Variants in KIF21A observed in about 807,000 individuals in gnomAD.
The protein encoded by KIF21A is kinesin family member 21A.
KIF21A carries 114 observed loss-of-function variants against 202.9 expected under a neutral mutation model. The ratio of observed to expected loss-of-function variants is 0.56; its 90% CI spans 0.48 to 0.66. KIF21A has a LOEUF of 0.66. KIF21A is among the 30% of genes least tolerant of loss of function. The pLI is 0.00. For missense variants in KIF21A, 1,677 were observed against 1,994.9 expected, an observed-to-expected ratio of 0.84 and a Z score of 3.04; for synonymous variants, 667 against 670.8, an observed-to-expected ratio of 0.99 and a Z score of 0.09.
At chr12:39,409,678 A>T (rs1952921849) in intron 1 of KIF21A, among the ~76,000 whole-genome samples, 1 of 152,154 alleles carries the variant, frequency 6.6e-6, no homozygotes, top group Non-Finnish European at 1.5e-5. Context: ...ATGTTAATTT[A>T]TATGACAAAG....
intron 16 of KIF21A, among the ~76,000 whole-genome samples, chr12:39,339,516 G>GA (rs1206222535): frequency 6.6e-6 from 1 of 152,068 alleles, no homozygotes; most frequent in Non-Finnish European, 1.5e-5. Flanking sequence ...GCATTTCTCA[G>GA]AATGTACCAT....
chr12:39,338,182 C>T (rs1007315589), intron 16 of KIF21A, among the ~76,000 whole-genome samples: 4 of 152,090 alleles, frequency 2.6e-5, no homozygotes, highest in African/African-American at 7.2e-5. Context: ...ATTGATGATC[C>T]TCACTCTGCA....
At chr12:39,317,931 G>T (rs1944747354) in intron 29 of KIF21A, 142 bp downstream of exon 29, 1 of 826,834 alleles carries the variant, frequency 1.2e-6, no homozygotes, top group Non-Finnish European at 2.0e-6. Context: ...CTTTCCCATT[G>T]GAAAGATGCA....
intron 16 of KIF21A, among the ~76,000 whole-genome samples, chr12:39,338,469 GC>G (rs1205057688): frequency 5.3e-5 from 8 of 152,114 alleles, no homozygotes; most frequent in African/African-American, 1.9e-4. Flanking sequence ...ATTTAGTGTA[GC>G]TTAAGTGTGT....
chr12:39,341,954 A>G, intron 13 of KIF21A, 80 bp downstream of exon 13: 4 of 934,224 alleles, frequency 4.3e-6, no homozygotes, highest in African/African-American at 1.6e-5. Context: ...CTTTTCTACA[A>G]GTAAGTTAGT....
At chr12:39,394,556 A>G (rs1951595515) in intron 1 of KIF21A, among the ~76,000 whole-genome samples, 1 of 152,204 alleles carries the variant, frequency 6.6e-6, no homozygotes, top group African/African-American at 2.4e-5. Flanking sequence ...TTACAATCTC[A>G]AGACTTGAAA....
intron 1 of KIF21A, among the ~76,000 whole-genome samples, chr12:39,435,148 A>G (rs907464266): frequency 6.6e-6 from 1 of 152,140 alleles, no homozygotes; most frequent in Non-Finnish European, 1.5e-5. Flanking sequence ...ACTAAGTTTG[A>G]ACATTTTTCT....
chr12:39,351,065 GTGTAAACA>G (rs1031614733), intron 11 of KIF21A, among the ~76,000 whole-genome samples: 1 of 152,010 alleles, frequency 6.6e-6, no homozygotes, highest in Non-Finnish European at 1.5e-5. Context: ...TAGAATCAGT[GTGTAAACA>G]TGTAAAGAAT....
chr12:39,424,851 T>C (rs1566321821), intron 1 of KIF21A, among the ~76,000 whole-genome samples: 1 of 152,172 alleles, frequency 6.6e-6, no homozygotes, highest in Non-Finnish European at 1.5e-5. Flanking sequence ...GTTATCTTTC[T>C]GAAATGCATA....
At chr12:39,360,207 G>T (rs1158100642) in intron 7 of KIF21A, among the ~76,000 whole-genome samples, 3 of 151,278 alleles carry the variant, frequency 2.0e-5, no homozygotes, top group Non-Finnish European at 4.4e-5. Context: ...ATAAAATAAA[G>T]CTAAAAAAAA....
At chr12:39,393,838 C>T (rs548403549) in intron 1 of KIF21A, among the ~76,000 whole-genome samples, 26 of 152,318 alleles carry the variant, frequency 1.7e-4, no homozygotes, top group African/African-American at 6.3e-4. Flanking sequence ...AAAATCACAA[C>T]TGGGTTTTCA....
chr12:39,423,686 T>C (rs1954500888), intron 1 of KIF21A, among the ~76,000 whole-genome samples: 1 of 151,806 alleles, frequency 6.6e-6, no homozygotes, highest in Non-Finnish European at 1.5e-5. Context: ...CCGTCTCTAC[T>C]AAAAATACAA....
chr12:39,408,238 C>T (rs1448888925), intron 1 of KIF21A, among the ~76,000 whole-genome samples: 2 of 152,050 alleles, frequency 1.3e-5, no homozygotes, highest in Admixed American at 6.6e-5. Flanking sequence ...ACTGTTCCAC[C>T]TCAGATCGTC....
chr12:39,414,831 A>G (rs1006208263), intron 1 of KIF21A, among the ~76,000 whole-genome samples: 4 of 152,196 alleles, frequency 2.6e-5, no homozygotes, highest in Non-Finnish European at 1.5e-5. Flanking sequence ...TGTTCTGAAT[A>G]CTGGGGATCT....
chr12:39,367,337 A>C (rs1773040241), intron 4 of KIF21A, 173 bp from the exon 5 acceptor site: 1 of 657,480 alleles, frequency 1.5e-6, no homozygotes. Context: ...TCAGTATAAT[A>C]GTGTATTATT....
rs1283649264 is a variant in KIF21A, at chr12:39,293,768, G to T, written c.*656C>A. 2.0e-5 allele frequency: 3 copies of T among 151,500 alleles called. No homozygotes were observed. Among genetic ancestry groups the T allele is most frequent in the Non-Finnish European group, 2.9e-5 (2 of 67,910 alleles). 9.4% of individuals were successfully genotyped at this position (151,500 alleles called of 1,614,324 possible). On this transcript the variant is annotated 3_prime_UTR_variant, in exon 38 of 38. Coordinates refer to ENST00000361418, the MANE Select transcript of KIF21A (RefSeq NM_001173464.2). ...AAAAAATTAACAGCATTTTAGTCCT[G>T]AGCACAGAATATAGTAGAGCTGCAA... is the stretch of plus-strand genomic sequence containing the variant.
chr12:39,388,156 C>T (rs1951081854), intron 1 of KIF21A, among the ~76,000 whole-genome samples: 1 of 152,110 alleles, frequency 6.6e-6, no homozygotes, highest in Non-Finnish European at 1.5e-5. Context: ...AGGTGGATCC[C>T]TCATGAATAG....
rs1565712762 is a variant in KIF21A at position 39,315,919 on chromosome 12, G to A, written c.3947+13C>T. 1 of 1,595,688 alleles carries A rather than the reference G, an allele frequency of 6.3e-7. No homozygotes were observed. Among genetic ancestry groups the A allele is most frequent in the African/African-American group, 1.3e-5 (1 of 74,578 alleles). ...GAAATTCCAGAATGTAGGAAAGGCA[G>A]GAAAGAAAGTACCTGTGTACCTCCG... On this transcript the variant is annotated intron_variant, in intron 30 of 37. Transcript: ENST00000361418.
chr12:39,341,667 C>T, intron 13 of KIF21A, 45 bp from the exon 14 acceptor site: 1 of 1,553,520 alleles, frequency 6.4e-7, no homozygotes, highest in Non-Finnish European at 8.7e-7. Context: ...ATTGGCAAAA[C>T]AAACTGACTC....
Sources: gnomAD v4.1 joint callset for allele counts (sites outside exome capture counted in the v4.1 genomes callset) on GRCh38, gnomAD v4.1.1 for gene constraint, MANE v1.5 for transcripts, NCBI Gene and HGNC (gene_info 2026-07-23, HGNC 2026-07-21) for gene names.